The following MSRA variants were observed in gnomAD, a reference collection of about 807,000 sequenced individuals.
The protein encoded by MSRA is mitochondrial peptide methionine sulfoxide reductase.
MSRA carries 54 observed loss-of-function variants against 31.3 expected under a neutral mutation model. That is an observed-to-expected ratio of 1.73 (90% confidence interval 1.39 to 2.17). The LOEUF is 2.17. Ranked by LOEUF, MSRA falls within the 30% of genes most tolerant of loss-of-function variation. The pLI is 0.00. For missense variants in MSRA, 507 were observed against 300.9 expected, an observed-to-expected ratio of 1.69 and a Z score of -5.07; for synonymous variants, 169 against 116.5, an observed-to-expected ratio of 1.45 and a Z score of -2.90.
intron 5 of MSRA, among the ~76,000 whole-genome samples, chr8:10,414,325 C>CATTTTACG (rs1336048681): frequency 6.6e-6 from 1 of 152,222 alleles, no homozygotes; most frequent in Non-Finnish European, 1.5e-5. Flanking sequence ...TTAACTTCCT[C>CATTTTACG]ATTTTACGGC....
chr8:10,137,237 C>T (rs1057096912), intron 1 of MSRA, among the ~76,000 whole-genome samples: 3 of 152,106 alleles, frequency 2.0e-5, no homozygotes, highest in African/African-American at 2.4e-5. Flanking sequence ...TTTTATTTCT[C>T]GACTTAAAAG....
rs532920152 is a variant in MSRA at position 10,064,118 on chromosome 8, C to T, written c.142+9460C>T. On this transcript the variant is annotated intron_variant, in intron 1 of 5. Transcript: ENST00000317173. ...GTAGTCATTTCCCCCGCTGTGTTTTCGGAACTCCTAGCCTGGTTATAGAAG... is the reference window on the plus strand; with the variant it reads ...GTAGTCATTTCCCCCGCTGTGTTTTTGGAACTCCTAGCCTGGTTATAGAAG... 1.6e-3 allele frequency among the ~76,000 whole-genome samples: 240 copies of T among 152,196 alleles called. 2 individuals carry two copies. Among genetic ancestry groups the T allele is most frequent in the Non-Finnish European group, 1.6e-3 (110 of 68,008 alleles).
At chr8:10,093,742 C>A (rs114129628) in intron 1 of MSRA, among the ~76,000 whole-genome samples, 1 of 152,260 alleles carries the variant, frequency 6.6e-6, no homozygotes, top group South Asian at 2.1e-4. Flanking sequence ...ATTTGATTTA[C>A]TGTCTAGTGT....
chr8:10,187,899 A>G (rs951099628), intron 1 of MSRA, among the ~76,000 whole-genome samples: 9 of 152,206 alleles, frequency 5.9e-5, no homozygotes, highest in African/African-American at 1.9e-4. Context: ...AATTCATGGG[A>G]TTTAATTTAA....
At chr8:10,320,493 C>G (rs1018179555) in intron 5 of MSRA, 1 of 152,154 alleles carries the variant, frequency 6.6e-6, no homozygotes, top group African/African-American at 2.4e-5. Context: ...AGAGTAGGCC[C>G]TTATGTGTTT....
chr8:10,214,462 G>T (rs1422914932), intron 2 of MSRA, among the ~76,000 whole-genome samples: 1 of 152,172 alleles, frequency 6.6e-6, no homozygotes, highest in East Asian at 1.9e-4. Flanking sequence ...CAATATGTCA[G>T]ACTTCAAAGG....
intron 5 of MSRA, chr8:10,411,385 C>G (rs556999992): frequency 1.3e-5 from 2 of 152,316 alleles, no homozygotes; most frequent in East Asian, 3.9e-4. Flanking sequence ...GTATTCTTAA[C>G]CATGTGGAGC....
At chr8:10,170,760 C>T (rs372737356) in intron 1 of MSRA, among the ~76,000 whole-genome samples, 14 of 152,216 alleles carry the variant, frequency 9.2e-5, no homozygotes, top group African/African-American at 2.9e-4. Context: ...TGGAACCAAC[C>T]CCTTGCAGGA....
chr8:10,175,518 A>T (rs757269108), intron 1 of MSRA, among the ~76,000 whole-genome samples: 43 of 152,340 alleles, frequency 2.8e-4, no homozygotes, highest in South Asian at 4.1e-4. Flanking sequence ...TGATGATCTT[A>T]AAAGTAATTA....
rs184263012 is a variant in MSRA, at chr8:10,074,881, A to G, written c.142+20223A>G. 9.4e-4 allele frequency among the ~76,000 whole-genome samples: 141 copies of G among 150,162 alleles called. 3 individuals carry two copies. Among genetic ancestry groups the G allele is most frequent in the Admixed American group, 9.3e-3 (141 of 15,142 alleles). On this transcript the variant is annotated intron_variant, in intron 1 of 5. Transcript: ENST00000317173. ...ACCGTGTTGGCCAGGCTGGTCTTGA[A>G]CTCCTGACCTCAAGTGATCTGCCTG...
At chr8:10,140,897 A>G (rs1802648239) in intron 1 of MSRA, among the ~76,000 whole-genome samples, 1 of 152,214 alleles carries the variant, frequency 6.6e-6, no homozygotes, top group South Asian at 2.1e-4. Flanking sequence ...CGGAGACTTC[A>G]CAGTAATAAA....
chr8:10,271,718 CT>C (rs11301253), intron 3 of MSRA, among the ~76,000 whole-genome samples: 58,693 of 135,798 alleles, frequency 0.43, 12,032 homozygotes, highest in South Asian at 0.52. Context: ...CATGGGTAGT[CT>C]TTTTTTTTTT....
chr8:10,202,470 C>T (rs1808583043), intron 1 of MSRA, among the ~76,000 whole-genome samples: 1 of 152,188 alleles, frequency 6.6e-6, no homozygotes, highest in African/African-American at 2.4e-5. Context: ...GACTTCTTCC[C>T]CTGTGCCATC....
At chr8:10,365,204 C>CT (rs1179826313) in intron 5 of MSRA, among the ~76,000 whole-genome samples, 1 of 146,880 alleles carries the variant, frequency 6.8e-6, no homozygotes, top group Non-Finnish European at 1.5e-5. Flanking sequence ...TAATTATCAT[C>CT]TTTTTTCCCC....
chr8:10,360,757 G>A (rs1011525578), intron 5 of MSRA, among the ~76,000 whole-genome samples: 2 of 152,250 alleles, frequency 1.3e-5, no homozygotes, highest in African/African-American at 4.8e-5. Context: ...CGACAGGGAT[G>A]TACTGTCTGG....
At chr8:10,410,940 A>G (rs1320752006) in intron 5 of MSRA, among the ~76,000 whole-genome samples, 1 of 152,072 alleles carries the variant, frequency 6.6e-6, no homozygotes, top group African/African-American at 2.4e-5. Flanking sequence ...AAGAACACCT[A>G]TGGCCTATTT....
chr8:10,156,581 G>A (rs971865385), intron 1 of MSRA, among the ~76,000 whole-genome samples: 3 of 152,174 alleles, frequency 2.0e-5, no homozygotes, highest in Admixed American at 1.3e-4. Context: ...GTAAAACTAA[G>A]TGGCATAGAA....
intron 2 of MSRA, among the ~76,000 whole-genome samples, chr8:10,225,791 A>G (rs994103080): frequency 6.6e-6 from 1 of 152,198 alleles, no homozygotes; most frequent in Non-Finnish European, 1.5e-5. Flanking sequence ...TGCAGGGTGC[A>G]GGTGCTAGGT....
intron 1 of MSRA, among the ~76,000 whole-genome samples, chr8:10,097,188 T>C (rs1426677485): frequency 1.3e-5 from 2 of 152,222 alleles, no homozygotes; most frequent in African/African-American, 4.8e-5. Flanking sequence ...TTGAAAAATA[T>C]ATGAAATCTA....
Sources: allele counts gnomAD v4.1 joint callset (sites outside exome capture counted in the v4.1 genomes callset), GRCh38; gene constraint gnomAD v4.1.1; transcripts MANE v1.5; gene names NCBI Gene and HGNC (gene_info 2026-07-23, HGNC 2026-07-21).